ZNF234: variants seen among roughly 807,000 people sequenced by gnomAD.
The protein encoded by ZNF234 is zinc finger protein 234, also known as C2-H2 type zinc finger protein.
A neutral mutation model predicts 10.3 loss-of-function variants in ZNF234; 4 were observed. The ratio of observed to expected loss-of-function variants is 0.39; its 90% CI spans 0.19 to 0.89. ZNF234 has a LOEUF of 0.89. ZNF234 is among the 40% of genes least tolerant of loss of function. ZNF234 has a pLI of 0.38. For synonymous variants in ZNF234, 258 were observed against 280.1 expected, an observed-to-expected ratio of 0.92 and a Z score of 0.79; for missense variants, 711 against 836.1, an observed-to-expected ratio of 0.85 and a Z score of 1.85.
At chr19:44,143,620 A>G (rs1417370551) in intron 2 of ZNF234, among the ~76,000 whole-genome samples, 1 of 150,798 alleles carries the variant, frequency 6.6e-6, no homozygotes, top group African/African-American at 2.4e-5. Flanking sequence ...GAAAAAGAAA[A>G]AAAAAAAAAA....
chr19:44,145,387 A>G (rs1043531561), intron 3 of ZNF234, among the ~76,000 whole-genome samples: 12 of 152,214 alleles, frequency 7.9e-5, no homozygotes, highest in African/African-American at 1.2e-4. Flanking sequence ...ATTGTTTTAC[A>G]TAACACTGCA....
Position 44,144,662 on chromosome 19 carries a change from C to G in ZNF234, c.15+15C>G, listed in dbSNP as rs756764191. The G allele has an allele frequency of 6.5e-7, 1 of 1,538,500 alleles. No individual in the cohort carries two copies. The highest frequency in any genetic ancestry group is 8.8e-7 in the Non-Finnish European group (1 of 1,137,088). On this transcript the variant is annotated intron_variant, in intron 3 of 5. Transcript: ENST00000426739. ...CCACATTCAAGGTGAATAAGGCTTG[C>G]CACTCTTGCTGTTAAAATTCCATCT...
chr19:44,143,201 T>G (rs1407901036), intron 2 of ZNF234, among the ~76,000 whole-genome samples: 1 of 146,782 alleles, frequency 6.8e-6, no homozygotes, highest in Non-Finnish European at 1.5e-5. Flanking sequence ...GAGTCCTGAG[T>G]TATGGAACTG....
At chr19:44,150,894 C>T (rs13345535) in intron 5 of ZNF234, among the ~76,000 whole-genome samples, 6 of 151,832 alleles carry the variant, frequency 4.0e-5, no homozygotes, top group Non-Finnish European at 8.8e-5. Flanking sequence ...ATTAGCCAGG[C>T]GTGGTGGCCA....
Position 44,156,137 on chromosome 19 carries a change from A to G in ZNF234, c.236-115A>G, listed in dbSNP as rs900262113. On this transcript the variant is annotated intron_variant, in intron 5 of 5. Coordinates refer to ENST00000426739, the MANE Select transcript of ZNF234 (RefSeq NM_006630.3). ...ATCATGATACACAGTGGAAAAGACC[A>G]TTACACAAACTGGACCTTCTCTGGA... 21 of 908,198 alleles carry G rather than the reference A, an allele frequency of 2.3e-5. 1 individual carries two copies. The East Asian group carries it at 4.5e-4, about 19-fold the overall frequency. The allele number at this position is 908,198 out of a possible 1,614,324, so 56.3% of individuals were successfully genotyped here.
At chr19:44,150,340 A>T in intron 4 of ZNF234, 73 bp from the exon 5 acceptor site, 1 of 1,179,078 alleles carries the variant, frequency 8.5e-7, no homozygotes, top group Non-Finnish European at 1.2e-6. Flanking sequence ...ATACAGTAGT[A>T]ATTCAAATTG....
In ZNF234 at chr19:44,156,703, G is replaced by C. The variant is rs772761236; in HGVS notation, c.687G>C (p.Glu229Asp). 2 of 1,614,056 alleles carry C rather than the reference G, an allele frequency of 1.2e-6. No homozygotes were observed. Among genetic ancestry groups the C allele is most frequent in the Non-Finnish European group, 1.7e-6 (2 of 1,180,050 alleles). ...CTCATCAGAGAGTCCACACTGTAGAGAAACCATTCAAATGTGTGGAATGTG... is the reference window on the plus strand; with the variant it reads ...CTCATCAGAGAGTCCACACTGTAGACAAACCATTCAAATGTGTGGAATGTG... ...LQTHQRVHTV[E>D]KPFKCVECGK... is the part of the protein sequence containing the mutation. Residue 229 changes from glutamate (E) to aspartate (D), a missense_variant, in exon 6 of 6, where the codon GAG becomes GAC. By Grantham distance (45) the Glu-to-Asp change is conservative. Transcript: ENST00000426739.
At chr19:44,146,346 A>G (rs1246838517) in intron 3 of ZNF234, among the ~76,000 whole-genome samples, 1 of 152,200 alleles carries the variant, frequency 6.6e-6, no homozygotes, top group Non-Finnish European at 1.5e-5. Flanking sequence ...CAGTAATGAG[A>G]TGGCTGGGTC....
chr19:44,150,599 A>G (rs1968717185), intron 5 of ZNF234, 94 bp downstream of exon 5: 1 of 1,008,614 alleles, frequency 9.9e-7, no homozygotes, highest in Admixed American at 2.5e-5. Context: ...CAAATTGCCA[A>G]ACCTCTGTCC....
At chr19:44,150,537 G>T in intron 5 of ZNF234, 32 bp downstream of exon 5, 1 of 1,513,862 alleles carries the variant, frequency 6.6e-7, no homozygotes, top group African/African-American at 1.4e-5. Flanking sequence ...GTCCTTGTAC[G>T]TGATTGTCCA....
chr19:44,149,772 A>G (rs1034025708), intron 4 of ZNF234: 8 of 152,172 alleles, frequency 5.3e-5, no homozygotes, highest in African/African-American at 1.7e-4. Flanking sequence ...TTGGCCCAGG[A>G]CCAATCAGGT....
chr19:44,144,690 C>G (rs1245727693), intron 3 of ZNF234, 43 bp downstream of exon 3: 5 of 1,518,530 alleles, frequency 3.3e-6, no homozygotes, highest in Non-Finnish European at 3.6e-6. Flanking sequence ...TTCCATCTCA[C>G]TATTCTCATG....
chr19:44,153,810 A>C (rs2122138777), intron 5 of ZNF234, among the ~76,000 whole-genome samples: 1 of 152,330 alleles, frequency 6.6e-6, no homozygotes, highest in African/African-American at 2.4e-5. Context: ...TTAAATTCTC[A>C]CACAAAAAAA....
chr19:44,148,884 C>A lies in ZNF234; in HGVS notation c.129C>A (p.Asn43Lys). 6.2e-7 allele frequency: 1 copy of A among 1,613,588 alleles called. No homozygotes were observed. Among genetic ancestry groups the A allele is most frequent in the Non-Finnish European group, 8.5e-7 (1 of 1,179,706 alleles). The change falls in exon 4 of 6, where the codon AAC (asparagine) becomes AAA (lysine). Residue 43 changes from asparagine to lysine, a missense_variant. Coordinates refer to ENST00000426739, the MANE Select transcript of ZNF234 (RefSeq NM_006630.3). ...YQDVMLENFRNLLSVGHHPFK... is the reference protein window; with the variant it reads ...YQDVMLENFRKLLSVGHHPFK... ...ATGTGATGCTGGAGAACTTCAGGAA[C>A]CTGCTGTCAGTGGGTGAGGACATGA...
intron 5 of ZNF234, among the ~76,000 whole-genome samples, chr19:44,153,090 A>T (rs2122134848): frequency 6.6e-6 from 1 of 150,500 alleles, no homozygotes; most frequent in Non-Finnish European, 1.5e-5. Flanking sequence ...TTGTCACATC[A>T]TCATAGAGAC....
chr19:44,151,199 C>T (rs1968736651), intron 5 of ZNF234, among the ~76,000 whole-genome samples: 1 of 152,018 alleles, frequency 6.6e-6, no homozygotes, highest in Admixed American at 6.6e-5. Flanking sequence ...CATCATCCTC[C>T]CTGCTATTTC....
chr19:44,143,239 T>A (rs1316926117), intron 2 of ZNF234, among the ~76,000 whole-genome samples: 1 of 149,942 alleles, frequency 6.7e-6, no homozygotes, highest in Non-Finnish European at 1.5e-5. Flanking sequence ...GCCCGAGTAA[T>A]CCCAGCACTT....
In ZNF234 at chr19:44,158,033, A is replaced by G; in HGVS notation, c.2017A>G (p.Ile673Val). ...WRSNLVSHHK[I>V]HAAGTFYEND... Reference sequence around the variant, plus strand: ...ATCAAATCTTGTAAGTCATCACAAAATTCATGCTGCTGGTACATTTTATGA... The same window carrying G: ...ATCAAATCTTGTAAGTCATCACAAAGTTCATGCTGCTGGTACATTTTATGA... The change falls in exon 6 of 6, where the codon ATT becomes GTT. Residue 673 changes from isoleucine (I) to valine (V), a missense_variant. Ile to Val is a conservative substitution (Grantham distance 29, BLOSUM62 3). Transcript: ENST00000426739. 6.2e-7 allele frequency: 1 copy of G among 1,613,844 alleles called. No individual in the cohort carries two copies. The highest frequency in any genetic ancestry group is 2.2e-5 in the East Asian group (1 of 44,868).
In ZNF234 at chr19:44,159,382, G is replaced by T. The variant is rs1417197141; in HGVS notation, c.*1263G>T. 4.4e-6 allele frequency: 1 copy of T among 226,858 alleles called. No individual in the cohort carries two copies. The highest frequency in any genetic ancestry group is 9.4e-6 in the Non-Finnish European group (1 of 106,672). The allele number at this position is 226,858 out of a possible 1,614,324, so 14.1% of individuals were successfully genotyped here. On this transcript the variant is annotated 3_prime_UTR_variant, in exon 6 of 6. Coordinates refer to ENST00000426739, the MANE Select transcript of ZNF234 (RefSeq NM_006630.3). ...GGTAGAGAAAGGGTTTCACCACATT[G>T]CCCAGGCTGGTCTTGAACACCTGAG...
Sources: gnomAD v4.1 joint callset for allele counts (sites outside exome capture counted in the v4.1 genomes callset) on GRCh38, gnomAD v4.1.1 for gene constraint, MANE v1.5 for transcripts, NCBI Gene and HGNC (gene_info 2026-07-23, HGNC 2026-07-21) for gene names.